Variants in RALGAPA1 observed in about 807,000 individuals in gnomAD.
RALGAPA1 encodes Ral GTPase activating protein catalytic subunit alpha 1.
In RALGAPA1, 52 loss-of-function variants were observed where a neutral mutation model predicts 269.6. The observed-to-expected ratio is 0.19, with a 90% CI of 0.15 to 0.24. The LOEUF is 0.24. Among genes scored for constraint, RALGAPA1 ranks in the 10% least tolerant of loss-of-function variants. RALGAPA1 has a pLI of 1.00. For synonymous variants in RALGAPA1, 817 were observed against 1,008.3 expected, an observed-to-expected ratio of 0.81 and a Z score of 3.60; for missense variants, 1,917 against 3,013.9, an observed-to-expected ratio of 0.64 and a Z score of 8.52.
chr14:35,674,420 T>C (rs1048194162), intron 23 of RALGAPA1, 96 bp downstream of exon 23: 1 of 1,277,324 alleles, frequency 7.8e-7, no homozygotes, highest in South Asian at 1.5e-5. Flanking sequence ...TACCAGTTTA[T>C]AGTCAAAAAG....
In RALGAPA1 at chr14:35,756,922, AAAG is replaced by A. The variant is rs1307128778; in HGVS notation, c.548-17_548-15del. 8 of 1,593,578 alleles carry A rather than the reference AAAG, an allele frequency of 5.0e-6. No individual in the cohort carries two copies. The highest frequency in any genetic ancestry group is 6.0e-6 in the Non-Finnish European group (7 of 1,169,398). ...TAGTGACTTGAGCTATCCAAAGACA[AAAG>A]AATAGTATATAGTTACAAAACAAAT... On this transcript the variant is annotated splice_polypyrimidine_tract_variant and intron_variant, in intron 6 of 41. Transcript: ENST00000680220.
At chr14:35,586,049 G>T (rs2058260854) in intron 37 of RALGAPA1, among the ~76,000 whole-genome samples, 1 of 152,088 alleles carries the variant, frequency 6.6e-6, no homozygotes, top group Admixed American at 6.6e-5. Flanking sequence ...GGGCAGTATG[G>T]CCATTTTCAC....
chr14:35,572,109 T>C (rs2057249874), intron 38 of RALGAPA1, among the ~76,000 whole-genome samples: 1 of 152,292 alleles, frequency 6.6e-6, no homozygotes, highest in South Asian at 2.1e-4. Context: ...ACTGAACCAT[T>C]TGGCTTATTT....
chr14:35,745,424 C>CAGACAG (rs540141937), intron 10 of RALGAPA1, among the ~76,000 whole-genome samples: 33 of 114,834 alleles, frequency 2.9e-4, no homozygotes, highest in African/African-American at 1.0e-3. Context: ...CACAGACAGA[C>CAGACAG]ACACACACAC....
At chr14:35,570,995 C>T (rs2057142817) in intron 38 of RALGAPA1, among the ~76,000 whole-genome samples, 1 of 152,180 alleles carries the variant, frequency 6.6e-6, no homozygotes, top group South Asian at 2.1e-4. Flanking sequence ...ATAATTTACA[C>T]ACTTAGCCAA....
At chr14:35,799,872 C>T (rs1317780419) in intron 1 of RALGAPA1, among the ~76,000 whole-genome samples, 1 of 152,074 alleles carries the variant, frequency 6.6e-6, no homozygotes, top group African/African-American at 2.4e-5. Flanking sequence ...CATATAAAAA[C>T]ACAAGTAGAT....
In RALGAPA1 at chr14:35,719,856, T is replaced by C. The variant is rs555508767; in HGVS notation, c.2266+1832A>G. On this transcript the variant is annotated intron_variant, in intron 16 of 41. Coordinates refer to ENST00000680220, the MANE Select transcript of RALGAPA1 (RefSeq NM_001346249.2). ...ACCTCTGCCGCCTGGGTTCAAGCGA[T>C]TCTCCTGCCTCAGCCTCCCGAGCAG... is the stretch of plus-strand genomic sequence containing the variant. Among the ~76,000 whole-genome samples the C allele has an allele frequency of 7.2e-5, 11 of 152,208 alleles. No homozygotes were observed. The South Asian group carries it at 1.9e-3, about 26-fold the overall frequency.
intron 11 of RALGAPA1, 89 bp from the exon 12 acceptor site, chr14:35,738,739 G>T: frequency 1.0e-6 from 1 of 998,500 alleles, no homozygotes; most frequent in African/African-American, 1.6e-5. Context: ...AAATTGTTAG[G>T]TCCCACTGCT....
intron 4 of RALGAPA1, among the ~76,000 whole-genome samples, chr14:35,768,556 C>T (rs1460541038): frequency 6.6e-6 from 1 of 151,866 alleles, no homozygotes; most frequent in African/African-American, 2.4e-5. Context: ...TGAGCTGGGC[C>T]TGGTGGTGTA....
At chr14:35,779,305 TGTTTGAGGCCAGGA>T (rs1453288013) in intron 1 of RALGAPA1, among the ~76,000 whole-genome samples, 1 of 152,026 alleles carries the variant, frequency 6.6e-6, no homozygotes, top group Non-Finnish European at 1.5e-5. Flanking sequence ...GTGGGAGGGT[TGTTTGAGGCCAGGA>T]GTTTGAGATC....
At chr14:35,627,984 T>C (rs762142323) in intron 33 of RALGAPA1, 33 bp from the exon 34 acceptor site, 42 of 1,527,262 alleles carry the variant, frequency 2.8e-5, no homozygotes, top group Non-Finnish European at 3.6e-5. Context: ...AATGGGAATA[T>C]TGCTGCTTCC....
Position 35,564,985 on chromosome 14 carries a change from A to G in RALGAPA1, c.7496+5632T>C, listed in dbSNP as rs573784726. On this transcript the variant is annotated intron_variant, in intron 39 of 41. Coordinates refer to ENST00000680220, the MANE Select transcript of RALGAPA1 (RefSeq NM_001346249.2). ...GTCTTCTATTATAATTAGTAATTAC[A>G]TATTATTCTCTCCTTGTTAAATTAT... 3.9e-5 allele frequency among the ~76,000 whole-genome samples: 6 copies of G among 152,206 alleles called. No homozygotes were observed. The East Asian group carries it at 9.6e-4, about 24-fold the overall frequency.
At chr14:35,552,542 A>G (rs1300053388) in intron 39 of RALGAPA1, among the ~76,000 whole-genome samples, 1 of 152,182 alleles carries the variant, frequency 6.6e-6, no homozygotes, top group Non-Finnish European at 1.5e-5. Flanking sequence ...ATAAGATGAT[A>G]AAAAGGTGAA....
chr14:35,644,741 G>A (rs1453225933), intron 31 of RALGAPA1, among the ~76,000 whole-genome samples: 1 of 152,070 alleles, frequency 6.6e-6, no homozygotes, highest in African/African-American at 2.4e-5. Flanking sequence ...TGGATTAGAC[G>A]TGGAGGTGTC....
At position 35,700,252 on chromosome 14, in the gene RALGAPA1, G is replaced by A. The variant is rs2067232507; in HGVS notation, c.2317C>T (p.Arg773Cys). The change falls in exon 17 of 42, where the codon CGC (arginine) becomes TGC (cysteine). Residue 773 changes from arginine (R) to cysteine (C), a missense_variant. Transcript: ENST00000680220. ...AGAACAGGAGCACTTTTAGCACTGCGTATATAGGCCGATGGCAGAGCACAT... is the reference window on the plus strand; with the variant it reads ...AGAACAGGAGCACTTTTAGCACTGCATATATAGGCCGATGGCAGAGCACAT... The part of the protein sequence containing the change: ...GECALPSAYI[R>C]SAKSAPVLIH... 1 of 1,534,838 alleles carries A rather than the reference G, an allele frequency of 6.5e-7. No homozygotes were observed. Among genetic ancestry groups the A allele is most frequent in the Non-Finnish European group, 8.7e-7 (1 of 1,146,278 alleles).
At chr14:35,687,235 A>C (rs1358225470) in intron 18 of RALGAPA1, among the ~76,000 whole-genome samples, 4 of 152,262 alleles carry the variant, frequency 2.6e-5, no homozygotes, top group African/African-American at 9.6e-5. Context: ...AGTTATTTTG[A>C]TTTTTTTATC....
intron 16 of RALGAPA1, among the ~76,000 whole-genome samples, chr14:35,710,520 A>C (rs951830757): frequency 6.6e-6 from 1 of 152,196 alleles, no homozygotes; most frequent in Non-Finnish European, 1.5e-5. Flanking sequence ...GGCCTCCCAA[A>C]GTACTGGGAT....
chr14:35,746,114 G>A (rs753541822), intron 10 of RALGAPA1, among the ~76,000 whole-genome samples: 4 of 152,010 alleles, frequency 2.6e-5, no homozygotes, highest in Non-Finnish European at 5.9e-5. Context: ...GCAACAACAT[G>A]GATTAATCCA....
chr14:35,623,304 G>A (rs1243029789), intron 35 of RALGAPA1, among the ~76,000 whole-genome samples: 1 of 151,838 alleles, frequency 6.6e-6, no homozygotes, highest in Non-Finnish European at 1.5e-5. Context: ...TAGCACGAAA[G>A]TTAATCTCTC....
Sources: allele counts gnomAD v4.1 joint callset (sites outside exome capture counted in the v4.1 genomes callset), GRCh38; gene constraint gnomAD v4.1.1; transcripts MANE v1.5; gene names NCBI Gene and HGNC (gene_info 2026-07-23, HGNC 2026-07-21).